TRPM3: variants seen among roughly 807,000 people sequenced by gnomAD.
TRPM3 encodes the protein transient receptor potential cation channel subfamily M member 3.
A neutral mutation model predicts 181.2 loss-of-function variants in TRPM3; 77 were observed. That is an observed-to-expected ratio of 0.42 (90% CI 0.35 to 0.51). TRPM3 has a LOEUF of 0.51. Ranked by LOEUF, TRPM3 falls within the 20% of genes least tolerant of loss-of-function variation. TRPM3 has a pLI of 0.01. For missense variants in TRPM3, 1,759 were observed against 2,196.7 expected (o/e 0.80, Z 3.98); for synonymous variants, 745 against 796.4 (o/e 0.94, Z 1.09).
chr9:70,921,942 A>AACAAAC (rs1554770508), intron 1 of TRPM3, among the ~76,000 whole-genome samples: 3 of 139,500 alleles, frequency 2.2e-5, no homozygotes, highest in Admixed American at 7.2e-5. Context: ...CACACAAACA[A>AACAAAC]ACACACACAC....
Position 70,635,226 on chromosome 9 carries a change from G to T in TRPM3, c.1617C>A (p.Val539=). ...HGPSNTLYHL[V]RDVKKREYPG... The stretch of plus-strand genomic sequence containing the variant: ...GGGTTCTTACCTTTTTGACATCCCT[G>T]ACCAAGTGGTACAATGTATTTGAGG... Residue 539 remains valine (V), a synonymous_variant, in exon 12 of 26, where the codon GTC becomes GTA. Coordinates refer to ENST00000677713, the MANE Select transcript of TRPM3 (RefSeq NM_001366145.2). 1 of 1,613,894 alleles carries T rather than the reference G, an allele frequency of 6.2e-7. No homozygotes were observed. Among genetic ancestry groups the T allele is most frequent in the South Asian group, 1.1e-5 (1 of 91,054 alleles).
At chr9:71,069,702 A>T (rs948712202) in intron 1 of TRPM3, among the ~76,000 whole-genome samples, 1 of 146,678 alleles carries the variant, frequency 6.8e-6, no homozygotes, top group Non-Finnish European at 1.5e-5. Flanking sequence ...TCTGCCTCCC[A>T]GGTTCAAGCG....
rs552307763 is a variant in TRPM3, at chr9:70,608,325, T to C, written c.2667+2284A>G. On this transcript the variant is annotated intron_variant, in intron 19 of 25. Coordinates refer to ENST00000677713, the MANE Select transcript of TRPM3 (RefSeq NM_001366145.2). ...AATCAAGAGTCTGCCTGTGTTCCAATTATTTATGGACACTAAAATTTGAAT... is the reference window on the plus strand; with the variant it reads ...AATCAAGAGTCTGCCTGTGTTCCAACTATTTATGGACACTAAAATTTGAAT... 1.7e-4 allele frequency among the ~76,000 whole-genome samples: 26 copies of C among 152,376 alleles called. No homozygotes were observed. The South Asian group carries it at 4.3e-3, about 25-fold the overall frequency.
intron 6 of TRPM3, among the ~76,000 whole-genome samples, chr9:70,808,720 A>G (rs1244306870): frequency 6.6e-6 from 1 of 152,168 alleles, no homozygotes. Flanking sequence ...AGCTTTAAAC[A>G]TGTTTACTTG....
At chr9:70,975,837 G>T (rs758909160) in intron 1 of TRPM3, among the ~76,000 whole-genome samples, 1 of 152,096 alleles carries the variant, frequency 6.6e-6, no homozygotes, top group East Asian at 1.9e-4. Context: ...TGCAAACTTC[G>T]GCACATTACC....
rs67905820 is a variant in TRPM3, at chr9:71,432,323, CTT to C, written c.183+14328_183+14329del. ...AATGGGTAATGAGACAAAAGTAGGACTTTTTTTTTTTTTTTTTTTTTTTTGGC... is the reference window on the plus strand; with the variant it reads ...AATGGGTAATGAGACAAAAGTAGGACTTTTTTTTTTTTTTTTTTTTTTGGC... On this transcript the variant is annotated intron_variant, in intron 1 of 24. Coordinates refer to the TRPM3 transcript ENST00000357533. Among the ~76,000 whole-genome samples the C allele has an allele frequency of 3.0e-4, 23 of 76,642 alleles. No homozygotes were observed. In the East Asian group the frequency reaches 3.1e-3, roughly 10 times the overall value. The allele number at this position is 76,642 out of a possible 152,430, so 50.3% of individuals were successfully genotyped here.
chr9:71,012,527 G>A (rs978105094), intron 1 of TRPM3, among the ~76,000 whole-genome samples: 29 of 151,386 alleles, frequency 1.9e-4, no homozygotes, highest in Admixed American at 3.9e-4. Flanking sequence ...ACTTGTTTAC[G>A]TCCAGGAAGA....
chr9:70,600,083 A>C (rs2059618752), intron 20 of TRPM3, among the ~76,000 whole-genome samples: 1 of 152,120 alleles, frequency 6.6e-6, no homozygotes, highest in South Asian at 2.1e-4. Flanking sequence ...CCTTACCTTA[A>C]ACTTAGAGGG....
intron 1 of TRPM3, among the ~76,000 whole-genome samples, chr9:71,243,314 G>A (rs891902828): frequency 1.3e-5 from 2 of 152,166 alleles, no homozygotes; most frequent in African/African-American, 4.8e-5. Context: ...ATGAGCCATG[G>A]TACCCAGCCT....
chr9:70,539,398 C>T (rs927330471), intron 25 of TRPM3, among the ~76,000 whole-genome samples: 7 of 152,184 alleles, frequency 4.6e-5, no homozygotes, highest in South Asian at 2.1e-4. Context: ...CCCCCCACCC[C>T]GACTCTGCTT....
intron 3 of TRPM3, among the ~76,000 whole-genome samples, chr9:70,852,947 G>A (rs924853841): frequency 5.3e-5 from 8 of 152,192 alleles, no homozygotes; most frequent in Admixed American, 5.2e-4. Context: ...ATCAAACCCA[G>A]TGTGATATAT....
At chr9:71,239,079 AC>A (rs1373048828) in intron 1 of TRPM3, among the ~76,000 whole-genome samples, 2 of 152,036 alleles carry the variant, frequency 1.3e-5, no homozygotes, top group Non-Finnish European at 2.9e-5. Flanking sequence ...AAGGAAAAAA[AC>A]AAACAAACAA....
At chr9:70,594,585 G>T (rs1045750917) in intron 21 of TRPM3, among the ~76,000 whole-genome samples, 5 of 152,186 alleles carry the variant, frequency 3.3e-5, no homozygotes, top group Non-Finnish European at 7.4e-5. Flanking sequence ...TCAGGATTTT[G>T]TTAAGTGATT....
chr9:70,631,254 G>A (rs139395372), intron 12 of TRPM3, among the ~76,000 whole-genome samples: 40 of 152,118 alleles, frequency 2.6e-4, no homozygotes, highest in African/African-American at 8.9e-4. Context: ...GCAATATATC[G>A]GGCAACCAAT....
intron 1 of TRPM3, among the ~76,000 whole-genome samples, chr9:70,914,231 C>A (rs1458009038): frequency 1.3e-5 from 2 of 152,292 alleles, no homozygotes; most frequent in Middle Eastern, 3.4e-3. Flanking sequence ...TGTGAGGACA[C>A]AGCATTTGCC....
chr9:70,985,017 C>A (rs1231130412), intron 1 of TRPM3, among the ~76,000 whole-genome samples: 1 of 152,054 alleles, frequency 6.6e-6, no homozygotes, highest in Non-Finnish European at 1.5e-5. Flanking sequence ...CAGATGTGAA[C>A]AATAACCAGC....
chr9:70,868,298 ACAT>A (rs2095699207), intron 1 of TRPM3, among the ~76,000 whole-genome samples: 1 of 152,068 alleles, frequency 6.6e-6, no homozygotes, highest in African/African-American at 2.4e-5. Flanking sequence ...TAATTAAAAG[ACAT>A]CATATTCAAG....
intron 8 of TRPM3, among the ~76,000 whole-genome samples, chr9:70,753,939 T>C (rs918232392): frequency 2.0e-5 from 3 of 152,062 alleles, no homozygotes; most frequent in Non-Finnish European, 4.4e-5. Flanking sequence ...GGTGGTGAAC[T>C]AGGAGCAGGG....
intron 1 of TRPM3, among the ~76,000 whole-genome samples, chr9:71,059,987 T>C (rs1458849615): frequency 6.6e-6 from 1 of 152,042 alleles, no homozygotes; most frequent in Non-Finnish European, 1.5e-5. Flanking sequence ...ATATTTACTC[T>C]GAAGGAAAGA....
Sources: gnomAD v4.1 joint callset for allele counts (sites outside exome capture counted in the v4.1 genomes callset) on GRCh38, gnomAD v4.1.1 for gene constraint, MANE v1.5 for transcripts, NCBI Gene and HGNC (gene_info 2026-07-23, HGNC 2026-07-21) for gene names.